SETBP1: variants seen among roughly 807,000 people sequenced by gnomAD.
SETBP1 encodes the protein SET binding protein 1.
A neutral mutation model predicts 101.0 loss-of-function variants in SETBP1; 9 were observed. That is an observed-to-expected ratio of 0.09 (90% CI 0.05 to 0.16). The LOEUF is 0.16. Among genes scored for constraint, SETBP1 ranks in the 10% least tolerant of loss-of-function variants. SETBP1 has a pLI of 1.00. For synonymous variants in SETBP1, 818 were observed against 788.5 expected (o/e 1.04, Z -0.63); for missense variants, 1,858 against 2,033.8 (o/e 0.91, Z 1.66).
At chr18:44,710,127 CT>C (rs2069306870) in intron 2 of SETBP1, among the ~76,000 whole-genome samples, 2 of 151,922 alleles carry the variant, frequency 1.3e-5, no homozygotes, top group Admixed American at 1.3e-4. Flanking sequence ...TCCTTTTTTT[CT>C]TTTTAATAAA....
chr18:44,893,664 C>T (rs868232633), intron 3 of SETBP1, among the ~76,000 whole-genome samples: 4 of 151,838 alleles, frequency 2.6e-5, no homozygotes, highest in East Asian at 1.9e-4. Flanking sequence ...AGATTCATGA[C>T]CCATTATGAA....
chr18:45,003,675 G>A (rs1403677593), intron 4 of SETBP1, among the ~76,000 whole-genome samples: 1 of 135,806 alleles, frequency 7.4e-6, no homozygotes, highest in African/African-American at 2.7e-5. Flanking sequence ...TGGAAGAATA[G>A]TAATGTCATG....
chr18:44,828,187 A>G (rs2072277286), intron 2 of SETBP1, among the ~76,000 whole-genome samples: 1 of 152,206 alleles, frequency 6.6e-6, no homozygotes, highest in Non-Finnish European at 1.5e-5. Flanking sequence ...AAAAAAGATC[A>G]GCACAGTGGT....
At chr18:45,049,700 G>A (rs2073689562) in intron 5 of SETBP1, among the ~76,000 whole-genome samples, 1 of 152,180 alleles carries the variant, frequency 6.6e-6, no homozygotes, top group African/African-American at 2.4e-5. Context: ...CCTACAGGGA[G>A]CCATTGAAGG....
At chr18:44,901,839 AG>A (rs954471511) in intron 3 of SETBP1, among the ~76,000 whole-genome samples, 2 of 152,240 alleles carry the variant, frequency 1.3e-5, no homozygotes, top group African/African-American at 4.8e-5. Context: ...TTAACCATTA[AG>A]GTTCTTAAAC....
At chr18:45,032,845 C>T (rs78640093) in intron 4 of SETBP1, among the ~76,000 whole-genome samples, 3,042 of 152,280 alleles carry the variant, frequency 0.02, 42 homozygotes, top group Middle Eastern at 0.034. Flanking sequence ...AGCAGAGGCT[C>T]TGTCTTCTGA....
chr18:44,806,293 A>G (rs1466656156), intron 2 of SETBP1, among the ~76,000 whole-genome samples: 1 of 152,176 alleles, frequency 6.6e-6, no homozygotes, highest in African/African-American at 2.4e-5. Context: ...AAGCCTGTGA[A>G]TCTGTCTTCT....
chr18:44,849,986 T>G lies in SETBP1; in HGVS notation c.487-19244T>G, dbSNP rs570718162. On this transcript the variant is annotated intron_variant, in intron 2 of 5. Transcript: ENST00000649279. ...GACATAGAACTCAGCAAGAGAAAGA[T>G]TAGTTCTTTTAGTATATGCTTCTAT... Among the ~76,000 whole-genome samples, 3 of 152,318 alleles carry G rather than the reference T, an allele frequency of 2.0e-5. No homozygotes were observed. The South Asian group carries it at 6.2e-4, about 32-fold the overall frequency.
intron 4 of SETBP1, among the ~76,000 whole-genome samples, chr18:45,028,444 T>C (rs2073218071): frequency 1.3e-5 from 2 of 152,148 alleles, no homozygotes; most frequent in African/African-American, 4.8e-5. Flanking sequence ...AAGTCTTTGC[T>C]GTTGTGAATA....
chr18:44,835,000 G>A (rs62090603), intron 2 of SETBP1, among the ~76,000 whole-genome samples: 8,906 of 152,246 alleles, frequency 0.058, 357 homozygotes, highest in East Asian at 0.13. Context: ...ACAGACAGGC[G>A]ACTAGGCTGG....
chr18:45,002,778 G>T (rs2072644220), intron 4 of SETBP1, among the ~76,000 whole-genome samples: 1 of 152,136 alleles, frequency 6.6e-6, no homozygotes, highest in Admixed American at 6.5e-5. Flanking sequence ...TCTTTATATA[G>T]AAAGGTGTTC....
At chr18:44,864,437 G>T (rs2069084709) in intron 2 of SETBP1, among the ~76,000 whole-genome samples, 2 of 152,100 alleles carry the variant, frequency 1.3e-5, no homozygotes, top group Non-Finnish European at 2.9e-5. Flanking sequence ...CTGCCCTCAA[G>T]CTCAGAGAGA....
intron 4 of SETBP1, among the ~76,000 whole-genome samples, chr18:45,000,100 C>A (rs1318998360): frequency 6.6e-6 from 1 of 152,238 alleles, no homozygotes; most frequent in Non-Finnish European, 1.5e-5. Flanking sequence ...CTAACCTCCT[C>A]ATTGGCATGA....
chr18:44,715,394 G>A (rs1441946186), intron 2 of SETBP1, among the ~76,000 whole-genome samples: 3 of 152,104 alleles, frequency 2.0e-5, no homozygotes, highest in African/African-American at 7.3e-5. Context: ...TAATCCAGAA[G>A]TTATTTACAG....
chr18:44,913,476 A>T (rs933626605), intron 3 of SETBP1, among the ~76,000 whole-genome samples: 2 of 152,244 alleles, frequency 1.3e-5, no homozygotes, highest in Non-Finnish European at 2.9e-5. Flanking sequence ...ACATGCATAG[A>T]GGGTGCAGGG....
At chr18:44,873,700 A>T (rs1270762862) in intron 3 of SETBP1, among the ~76,000 whole-genome samples, 1 of 152,194 alleles carries the variant, frequency 6.6e-6, no homozygotes, top group Non-Finnish European at 1.5e-5. Context: ...AATTATTTGC[A>T]AATTAAAGTG....
chr18:44,807,966 C>A (rs1328374566), intron 2 of SETBP1, among the ~76,000 whole-genome samples: 1 of 152,096 alleles, frequency 6.6e-6, no homozygotes, highest in African/African-American at 2.4e-5. Flanking sequence ...GTCAACAAAG[C>A]CATCAGAACC....
chr18:44,803,169 G>C (rs944196965), intron 2 of SETBP1, among the ~76,000 whole-genome samples: 1 of 152,086 alleles, frequency 6.6e-6, no homozygotes, highest in Non-Finnish European at 1.5e-5. Context: ...TAATGACTTT[G>C]GTCTTCTGAA....
chr18:45,043,383 A>ACACACT lies in SETBP1; in HGVS notation c.4171+4733_4171+4734insTCACAC, dbSNP rs1308491205. ...CTCTCTCTCACACACTCACACACTC[A>ACACACT]CACACACACACACAAACACATACAC... On this transcript the variant is annotated intron_variant, in intron 5 of 5. Transcript: ENST00000649279. 3.0e-3 allele frequency among the ~76,000 whole-genome samples: 450 copies of ACACACT among 150,492 alleles called. 4 individuals carry two copies. In the Middle Eastern group the frequency reaches 0.034, roughly 11 times the overall value.
Sources: allele counts gnomAD v4.1 joint callset (sites outside exome capture counted in the v4.1 genomes callset), GRCh38; gene constraint gnomAD v4.1.1; transcripts MANE v1.5; gene names NCBI Gene and HGNC (gene_info 2026-07-23, HGNC 2026-07-21).